The following PPP4R3B variants were observed in gnomAD, a reference collection of about 807,000 sequenced individuals.
The protein encoded by PPP4R3B is protein phosphatase 4 regulatory subunit 3B, also known as serine/threonine-protein phosphatase 4 regulatory subunit 3B.
A neutral mutation model predicts 95.4 loss-of-function variants in PPP4R3B; 52 were observed. The ratio of observed to expected loss-of-function variants is 0.54; its 90% CI spans 0.44 to 0.69. The LOEUF is 0.69. PPP4R3B is among the 30% of genes least tolerant of loss of function. PPP4R3B has a pLI of 0.00. For synonymous variants in PPP4R3B, 407 were observed against 343.9 expected (o/e 1.18, Z -2.03); for missense variants, 1,003 against 1,005.9 (o/e 1.00, Z 0.04).
At chr2:55,599,217 C>A (rs1692217993) in intron 3 of PPP4R3B, among the ~76,000 whole-genome samples, 178 bp from the exon 4 acceptor site, 1 of 152,166 alleles carries the variant, frequency 6.6e-6, no homozygotes, top group East Asian at 1.9e-4. Flanking sequence ...GCAGGCAGGT[C>A]TCTTGAGGTC....
chr2:55,551,122 CG>C (rs1244744420), intron 16 of PPP4R3B, among the ~76,000 whole-genome samples: 3 of 152,044 alleles, frequency 2.0e-5, no homozygotes, highest in Admixed American at 2.0e-4. Context: ...GAGATCGAGG[CG>C]GATGGGTCAC....
chr2:55,567,284 T>A (rs749537246), intron 13 of PPP4R3B, among the ~76,000 whole-genome samples: 1 of 152,234 alleles, frequency 6.6e-6, no homozygotes, highest in Non-Finnish European at 1.5e-5. Context: ...GGTCACTTAA[T>A]AACTTTGGGT....
intron 11 of PPP4R3B, among the ~76,000 whole-genome samples, chr2:55,574,805 A>G (rs2104104276): frequency 6.6e-6 from 1 of 151,958 alleles, no homozygotes; most frequent in East Asian, 1.9e-4. Flanking sequence ...CGTGTTAGCC[A>G]GGATGGTCTC....
At chr2:55,588,778 T>C in intron 5 of PPP4R3B, 101 bp downstream of exon 5, 2 of 640,374 alleles carry the variant, frequency 3.1e-6, no homozygotes, top group Non-Finnish European at 5.5e-6. Context: ...CTCTTACTAA[T>C]CTAATTACAA....
intron 16 of PPP4R3B, among the ~76,000 whole-genome samples, chr2:55,550,929 CAACTT>C (rs1685173003): frequency 6.6e-6 from 1 of 152,076 alleles, no homozygotes; most frequent in Non-Finnish European, 1.5e-5. Context: ...ATCTGTTTCT[CAACTT>C]AATCACACAC....
At position 55,592,429 on chromosome 2, in the gene PPP4R3B, A is replaced by G. The variant is rs748949306; in HGVS notation, c.922-3473T>C. On this transcript the variant is annotated intron_variant, in intron 4 of 16. Coordinates refer to ENST00000616407, the MANE Select transcript of PPP4R3B (RefSeq NM_001122964.3). ...AAGATACACAAAGCTGGAATGGGCC[A>G]AATCTAGTAAGATAAAATTTAATAT... Among the ~76,000 whole-genome samples, 172 of 152,208 alleles carry G rather than the reference A, an allele frequency of 1.1e-3. 1 individual carries two copies. Among genetic ancestry groups the G allele is most frequent in the Admixed American group, 4.9e-3 (75 of 15,276 alleles).
At chr2:55,605,803 G>A (rs1191781933) in intron 2 of PPP4R3B, among the ~76,000 whole-genome samples, 1 of 151,590 alleles carries the variant, frequency 6.6e-6, no homozygotes, top group African/African-American at 2.4e-5. Context: ...CTACTCAGTA[G>A]GCTGAGGCAA....
intron 13 of PPP4R3B, 129 bp from the exon 14 acceptor site, chr2:55,565,170 T>C (rs1439308727): frequency 3.0e-6 from 2 of 673,640 alleles, no homozygotes. Context: ...CAAAATGTAA[T>C]GTCCTGGTTT....
chr2:55,574,422 T>A (rs1005639392), intron 11 of PPP4R3B, among the ~76,000 whole-genome samples: 1 of 151,892 alleles, frequency 6.6e-6, no homozygotes, highest in Non-Finnish European at 1.5e-5. Flanking sequence ...TGCTATATTA[T>A]TAATATTAAT....
In PPP4R3B at chr2:55,583,708, A is replaced by T. The variant is rs1305848533; in HGVS notation, c.1233+1343T>A. On this transcript the variant is annotated intron_variant, in intron 7 of 16. Transcript: ENST00000616407. ...GGCATTTCTCTTTAAAGTCAGAATT[A>T]GCATCATTTGACATTGCAGCATTAG... Among the ~76,000 whole-genome samples the T allele has an allele frequency of 2.6e-5, 4 of 152,370 alleles. No individual in the cohort carries two copies. The East Asian group carries it at 7.7e-4, about 29-fold the overall frequency.
intron 15 of PPP4R3B, among the ~76,000 whole-genome samples, chr2:55,559,367 A>C (rs1686289762): frequency 6.6e-6 from 1 of 152,164 alleles, no homozygotes; most frequent in Non-Finnish European, 1.5e-5. Flanking sequence ...AAAAAAACAA[A>C]AAAAAATAAC....
At chr2:55,566,172 T>G (rs1432556326) in intron 13 of PPP4R3B, among the ~76,000 whole-genome samples, 2 of 152,134 alleles carry the variant, frequency 1.3e-5, no homozygotes, top group African/African-American at 4.8e-5. Flanking sequence ...TACACCATAA[T>G]TTGGTTGCAT....
At chr2:55,573,521 C>A in intron 12 of PPP4R3B, 98 bp downstream of exon 12, 1 of 1,107,682 alleles carries the variant, frequency 9.0e-7, no homozygotes, top group Non-Finnish European at 1.3e-6. Flanking sequence ...ACAATCATCT[C>A]ATTCATAGAA....
chr2:55,605,164 C>T (rs991322919), intron 2 of PPP4R3B, among the ~76,000 whole-genome samples: 1 of 152,100 alleles, frequency 6.6e-6, no homozygotes, highest in Non-Finnish European at 1.5e-5. Flanking sequence ...ACACTAAAAA[C>T]ACTATGCAAT....
At chr2:55,616,995 G>A in intron 1 of PPP4R3B, 149 bp downstream of exon 1, 1 of 806,424 alleles carries the variant, frequency 1.2e-6, no homozygotes, top group Non-Finnish European at 1.9e-6. Flanking sequence ...CAAAAGTACA[G>A]TACTTTGTTT....
chr2:55,586,893 A>T (rs898089295), intron 5 of PPP4R3B, among the ~76,000 whole-genome samples, 159 bp from the exon 6 acceptor site: 3 of 152,244 alleles, frequency 2.0e-5, no homozygotes, highest in African/African-American at 7.2e-5. Flanking sequence ...ATTAAAAACT[A>T]GCACCCCATT....
At chr2:55,604,393 T>C (rs1693093006) in intron 2 of PPP4R3B, among the ~76,000 whole-genome samples, 1 of 152,214 alleles carries the variant, frequency 6.6e-6, no homozygotes, top group South Asian at 2.1e-4. Flanking sequence ...ATTCCAACCA[T>C]CTACTTTCTG....
Position 55,564,892 on chromosome 2 carries a change from T to C in PPP4R3B, c.2075+10A>G, listed in dbSNP as rs188687381. 3.3e-5 allele frequency: 53 copies of C among 1,607,110 alleles called. No individual in the cohort carries two copies. The highest frequency in any genetic ancestry group is 8.6e-5 in the Admixed American group (5 of 58,276). ...TTGTAGGCTATAAAAGCAGTATACT[T>C]AAACAATACCTGTTCAGTTTCTGAT... On this transcript the variant is annotated intron_variant, in intron 14 of 16. Transcript: ENST00000616407.
chr2:55,612,907 C>T (rs1694373551), intron 2 of PPP4R3B, among the ~76,000 whole-genome samples: 1 of 151,276 alleles, frequency 6.6e-6, no homozygotes, highest in South Asian at 2.1e-4. Context: ...AATCGCACCA[C>T]CACACTGCAG....
Sources: gnomAD v4.1 joint callset for allele counts (sites outside exome capture counted in the v4.1 genomes callset) on GRCh38, gnomAD v4.1.1 for gene constraint, MANE v1.5 for transcripts, NCBI Gene and HGNC (gene_info 2026-07-23, HGNC 2026-07-21) for gene names.